Variants in HDAC9 observed in about 807,000 individuals in gnomAD.
The protein encoded by HDAC9 is histone deacetylase 9.
In HDAC9, 41 loss-of-function variants were observed where a neutral mutation model predicts 139.4. The observed-to-expected ratio is 0.29, with a 90% CI of 0.23 to 0.38. The LOEUF (loss-of-function observed/expected upper bound fraction) is 0.38. Among genes scored for constraint, HDAC9 ranks in the 10% least tolerant of loss-of-function variants. HDAC9 has a pLI of 1.00. For missense variants in HDAC9, 1,147 were observed against 1,297.0 expected (o/e 0.88, Z 1.78); for synonymous variants, 517 against 476.2 (o/e 1.09, Z -1.12).
At chr7:18,808,064 C>T (rs1793869761) in intron 17 of HDAC9, 1 of 152,160 alleles carries the variant, frequency 6.6e-6, no homozygotes, top group Non-Finnish European at 1.5e-5. Flanking sequence ...TTTGGAGATT[C>T]TATCAGGGAA....
intron 1 of HDAC9, among the ~76,000 whole-genome samples, chr7:18,485,154 C>G (rs990401076): frequency 6.6e-6 from 1 of 152,052 alleles, no homozygotes; most frequent in Non-Finnish European, 1.5e-5. Flanking sequence ...TTCCTAGGTT[C>G]GAATTAAATG....
chr7:18,673,569 A>C (rs1795784642), intron 12 of HDAC9, among the ~76,000 whole-genome samples: 1 of 152,090 alleles, frequency 6.6e-6, no homozygotes, highest in Non-Finnish European at 1.5e-5. Flanking sequence ...CATTAAAATT[A>C]ATCTTACCTG....
intron 9 of HDAC9, among the ~76,000 whole-genome samples, chr7:18,646,557 A>T (rs950941219): frequency 2.0e-5 from 3 of 152,182 alleles, no homozygotes; most frequent in African/African-American, 7.2e-5. Flanking sequence ...CAGGACAAGG[A>T]ATCACTTCTA....
intron 12 of HDAC9, among the ~76,000 whole-genome samples, chr7:18,699,551 G>A (rs1172583057): frequency 6.6e-6 from 1 of 152,104 alleles, no homozygotes; most frequent in Non-Finnish European, 1.5e-5. Flanking sequence ...AGAGGTTCTT[G>A]TATATCATAC....
At chr7:18,117,001 A>G (rs1245180989) in intron 1 of HDAC9, among the ~76,000 whole-genome samples, 2 of 152,216 alleles carry the variant, frequency 1.3e-5, no homozygotes. Context: ...ATTAGCCTGA[A>G]TAACATTTCA....
At chr7:18,706,840 C>G (rs1380783608) in intron 12 of HDAC9, among the ~76,000 whole-genome samples, 1 of 152,158 alleles carries the variant, frequency 6.6e-6, no homozygotes, top group Admixed American at 6.5e-5. Flanking sequence ...CAACCGATGA[C>G]AGCTTAATGG....
intron 1 of HDAC9, among the ~76,000 whole-genome samples, chr7:18,374,003 G>A (rs923537834): frequency 6.6e-6 from 1 of 151,832 alleles, no homozygotes; most frequent in African/African-American, 2.4e-5. Context: ...ACAATATGGT[G>A]AATATAAAAA....
At chr7:18,157,458 A>G (rs1787294906) in intron 1 of HDAC9, among the ~76,000 whole-genome samples, 1 of 152,210 alleles carries the variant, frequency 6.6e-6, no homozygotes, top group African/African-American at 2.4e-5. Context: ...TGACTCATTC[A>G]TTTATTTATA....
intron 12 of HDAC9, among the ~76,000 whole-genome samples, chr7:18,709,105 C>A (rs1784156149): frequency 1.3e-5 from 2 of 150,584 alleles, no homozygotes; most frequent in African/African-American, 4.9e-5. Context: ...TATTTTATTG[C>A]AGAATGTGCA....
At position 18,689,808 on chromosome 7, in the gene HDAC9, A is replaced by T. The variant is rs1281256861; in HGVS notation, c.1731+23332A>T. 2.6e-5 allele frequency among the ~76,000 whole-genome samples: 4 copies of T among 151,986 alleles called. No individual in the cohort carries two copies. In the East Asian group the frequency reaches 7.7e-4, roughly 29 times the overall value. ...CTTCTGTGGCTATGGTTGGCTTAAA[A>T]TAAGCATTTTTGGTGTACTTGTCAA... On this transcript the variant is annotated intron_variant, in intron 12 of 25. Transcript: ENST00000686413.
chr7:18,134,728 A>T (rs981847176), intron 1 of HDAC9, among the ~76,000 whole-genome samples: 1 of 152,146 alleles, frequency 6.6e-6, no homozygotes, highest in South Asian at 2.1e-4. Context: ...TATTTGACTG[A>T]TACCAGAAAT....
intron 1 of HDAC9, among the ~76,000 whole-genome samples, chr7:18,096,064 A>G (rs1222451451): frequency 2.6e-5 from 4 of 152,206 alleles, no homozygotes; most frequent in African/African-American, 7.2e-5. Context: ...TGAGATCTCT[A>G]TAACATCTTT....
chr7:18,733,789 C>A (rs952935654), intron 13 of HDAC9, among the ~76,000 whole-genome samples: 4 of 151,998 alleles, frequency 2.6e-5, no homozygotes, highest in Admixed American at 6.6e-5. Flanking sequence ...TATTGGGACA[C>A]AAGTTTTTTG....
chr7:18,761,234 G>A (rs1257460304), intron 14 of HDAC9, among the ~76,000 whole-genome samples: 1 of 152,162 alleles, frequency 6.6e-6, no homozygotes, highest in Non-Finnish European at 1.5e-5. Context: ...TAGCCAGAAA[G>A]AACACTTTGC....
At chr7:18,467,356 C>T (rs1794366673) in intron 1 of HDAC9, among the ~76,000 whole-genome samples, 1 of 152,110 alleles carries the variant, frequency 6.6e-6, no homozygotes, top group African/African-American at 2.4e-5. Flanking sequence ...TCCAGTTTAT[C>T]TCACTATCAT....
intron 17 of HDAC9, among the ~76,000 whole-genome samples, chr7:18,819,154 C>T (rs1033621597): frequency 2.0e-5 from 3 of 152,222 alleles, no homozygotes; most frequent in Admixed American, 2.0e-4. Context: ...ATGGTGCGCA[C>T]TTGCAATCCC....
rs183455369 is a variant in HDAC9, at chr7:18,718,861, T to C, written c.1732-8719T>C. On this transcript the variant is annotated intron_variant, in intron 12 of 25. Transcript: ENST00000686413. Reference sequence around the variant, plus strand: ...GAGGGAGCACAAACTGTTTCCAAAGTGGCTGCATCATTTTACACCCCCACC... The same window carrying C: ...GAGGGAGCACAAACTGTTTCCAAAGCGGCTGCATCATTTTACACCCCCACC... Among the ~76,000 whole-genome samples the C allele has an allele frequency of 4.5e-3, 679 of 152,304 alleles. 1 individual carries two copies. The highest frequency in any genetic ancestry group is 0.016 in the African/African-American group (647 of 41,578).
chr7:18,993,368 T>A (rs1360848258), intron 25 of HDAC9, among the ~76,000 whole-genome samples: 2 of 152,178 alleles, frequency 1.3e-5, no homozygotes, highest in African/African-American at 4.8e-5. Flanking sequence ...AAATTGACAA[T>A]CTAGAGACAC....
intron 1 of HDAC9, among the ~76,000 whole-genome samples, chr7:18,157,896 G>A (rs1787341343): frequency 6.6e-6 from 1 of 151,058 alleles, no homozygotes; most frequent in Admixed American, 6.6e-5. Flanking sequence ...TGTTGGCACA[G>A]TAAGCATTTC....
Sources: gnomAD v4.1 joint callset for allele counts (sites outside exome capture counted in the v4.1 genomes callset) on GRCh38, gnomAD v4.1.1 for gene constraint, MANE v1.5 for transcripts, NCBI Gene and HGNC (gene_info 2026-07-23, HGNC 2026-07-21) for gene names.